ATL1: variants seen among roughly 807,000 people sequenced by gnomAD.
The protein encoded by ATL1 is atlastin GTPase 1.
A neutral mutation model predicts 75.5 loss-of-function variants in ATL1; 31 were observed. The ratio of observed to expected loss-of-function variants is 0.41; its 90% CI spans 0.31 to 0.55. The LOEUF is 0.55. ATL1 is among the 20% of genes least tolerant of loss of function. ATL1 has a pLI of 0.27. For synonymous variants in ATL1, 226 were observed against 233.3 expected, an observed-to-expected ratio of 0.97 and a Z score of 0.28; for missense variants, 405 against 662.6, an observed-to-expected ratio of 0.61 and a Z score of 4.27.
intron 2 of ATL1, among the ~76,000 whole-genome samples, chr14:50,590,027 A>G (rs1385685197): frequency 3.3e-5 from 5 of 152,212 alleles, no homozygotes; most frequent in African/African-American, 4.8e-5. Flanking sequence ...GATATTTTCC[A>G]TGCCTTATCC....
intron 6 of ATL1, among the ~76,000 whole-genome samples, chr14:50,598,800 A>G (rs2039245523): frequency 6.6e-6 from 1 of 152,186 alleles, no homozygotes; most frequent in Non-Finnish European, 1.5e-5. Context: ...ATACACTCAT[A>G]TATATATGGG....
intron 8 of ATL1, 143 bp from the exon 9 acceptor site, chr14:50,620,456 C>T: frequency 1.2e-6 from 1 of 832,888 alleles, no homozygotes; most frequent in Non-Finnish European, 1.8e-6. Flanking sequence ...GAGCAGGTTT[C>T]AGGAGTCGCT....
chr14:50,564,005 C>T (rs1420945004), intron 1 of ATL1, among the ~76,000 whole-genome samples: 1 of 151,736 alleles, frequency 6.6e-6, no homozygotes, highest in Non-Finnish European at 1.5e-5. Flanking sequence ...ACAGTCCATG[C>T]GATGAGGACA....
chr14:50,570,189 T>G (rs1185966706), intron 1 of ATL1, among the ~76,000 whole-genome samples: 1 of 152,200 alleles, frequency 6.6e-6, no homozygotes, highest in East Asian at 1.9e-4. Flanking sequence ...GTTGGTTCAT[T>G]TGATGGTGTC....
intron 3 of ATL1, 28 bp from the exon 4 acceptor site, chr14:50,591,507 A>G (rs766096780): frequency 2.7e-6 from 4 of 1,458,620 alleles, no homozygotes; most frequent in Non-Finnish European, 3.9e-6. Context: ...TCTATAAAAT[A>G]TCAATAATGT....
intron 1 of ATL1, among the ~76,000 whole-genome samples, chr14:50,553,442 TA>T (rs547797971): frequency 2.0e-5 from 3 of 150,594 alleles, no homozygotes; most frequent in African/African-American, 7.3e-5. Flanking sequence ...ATTTAAAAAT[TA>T]AAAAAAAATA....
chr14:50,551,406 T>A (rs1314247597), intron 1 of ATL1, among the ~76,000 whole-genome samples: 1 of 151,960 alleles, frequency 6.6e-6, no homozygotes, highest in African/African-American at 2.4e-5. Context: ...AAAAAAAATT[T>A]CAGGATCAGA....
chr14:50,562,967 A>G (rs1470543080), intron 1 of ATL1, among the ~76,000 whole-genome samples: 1 of 152,234 alleles, frequency 6.6e-6, no homozygotes, highest in Non-Finnish European at 1.5e-5. Flanking sequence ...CTAATGTCAT[A>G]TGAAATAGGT....
At chr14:50,582,614 C>A (rs993190820) in intron 1 of ATL1, among the ~76,000 whole-genome samples, 3 of 148,094 alleles carry the variant, frequency 2.0e-5, no homozygotes, top group African/African-American at 7.5e-5. Flanking sequence ...TTAGTAGAGA[C>A]GGGGTTTCAC....
At position 50,595,521 on chromosome 14, in the gene ATL1, TC is replaced by T. The variant is rs1311407966; in HGVS notation, c.574-54del. 1.8e-4 allele frequency: 52 copies of T among 285,564 alleles called. No individual in the cohort carries two copies. In the African/African-American group the frequency reaches 9.2e-3, roughly 51 times the overall value. 17.7% of individuals were successfully genotyped at this position (285,564 alleles called of 1,614,324 possible). On this transcript the variant is annotated intron_variant, in intron 5 of 13. Transcript: ENST00000358385. The stretch of plus-strand genomic sequence containing the variant: ...TAAAACTTTGCAGGTGCTAAAGTTC[TC>T]TCTCTCTCTCTCTCTCTCTCTGTGT...
chr14:50,574,041 G>A (rs1383440084), intron 1 of ATL1, among the ~76,000 whole-genome samples: 1 of 152,142 alleles, frequency 6.6e-6, no homozygotes, highest in African/African-American at 2.4e-5. Context: ...ACCGTAAAAT[G>A]AGTCACCTTG....
intron 1 of ATL1, chr14:50,542,371 T>C (rs2038576290): frequency 6.6e-6 from 1 of 151,952 alleles, no homozygotes; most frequent in Admixed American, 6.6e-5. Flanking sequence ...AATGACAGGT[T>C]GATAGGTGCA....
At chr14:50,603,936 G>T (rs2039293822) in intron 6 of ATL1, among the ~76,000 whole-genome samples, 2 of 152,146 alleles carry the variant, frequency 1.3e-5, no homozygotes, top group African/African-American at 4.8e-5. Flanking sequence ...ATAGAACTAG[G>T]TCAGTGGTGT....
chr14:50,597,763 C>T (rs983101413), intron 6 of ATL1, among the ~76,000 whole-genome samples: 2 of 152,018 alleles, frequency 1.3e-5, no homozygotes, highest in African/African-American at 4.8e-5. Flanking sequence ...GGTGCGATCT[C>T]GGCTCACTGC....
At chr14:50,592,974 T>TAG (rs2039177288) in intron 4 of ATL1, among the ~76,000 whole-genome samples, 1 of 149,064 alleles carries the variant, frequency 6.7e-6, no homozygotes, top group Admixed American at 6.7e-5. Flanking sequence ...GTAAATTATA[T>TAG]ATATATGTGT....
chr14:50,547,846 C>T (rs1163128550), intron 1 of ATL1, among the ~76,000 whole-genome samples: 1 of 152,158 alleles, frequency 6.6e-6, no homozygotes. Context: ...ACCAGTTTGC[C>T]TTCACTTGGG....
At chr14:50,629,877 A>G in intron 12 of ATL1, 118 bp from the exon 13 acceptor site, 3 of 548,480 alleles carry the variant, frequency 5.5e-6, no homozygotes, top group Non-Finnish European at 5.7e-6. Context: ...AAAAATCTGC[A>G]GGAGTATCTG....
chr14:50,615,798 G>T (rs2039409350), intron 8 of ATL1, among the ~76,000 whole-genome samples: 1 of 152,146 alleles, frequency 6.6e-6, no homozygotes, highest in Non-Finnish European at 1.5e-5. Context: ...CTTCTCTGGA[G>T]TTGGGAGACA....
At chr14:50,618,891 ATTT>A (rs67681265) in intron 8 of ATL1, among the ~76,000 whole-genome samples, 4 of 95,604 alleles carry the variant, frequency 4.2e-5, no homozygotes, top group African/African-American at 1.7e-4. Context: ...ATATATATAT[ATTT>A]TTTTTTCTTT....
Sources: gnomAD v4.1 joint callset for allele counts (sites outside exome capture counted in the v4.1 genomes callset) on GRCh38, gnomAD v4.1.1 for gene constraint, MANE v1.5 for transcripts, NCBI Gene and HGNC (gene_info 2026-07-23, HGNC 2026-07-21) for gene names.